GCSAML: variants seen among roughly 807,000 people sequenced by gnomAD.
The protein encoded by GCSAML is germinal center associated signaling and motility like.
In GCSAML, 9 loss-of-function variants were observed where a neutral mutation model predicts 13.0. That is an observed-to-expected ratio of 0.69 (90% CI 0.42 to 1.21). GCSAML has a LOEUF of 1.21. GCSAML is among the 50% of genes most tolerant of loss of function. The pLI is 0.00. For synonymous variants in GCSAML, 37 were observed against 52.9 expected, an observed-to-expected ratio of 0.70 and a Z score of 1.31; for missense variants, 143 against 153.4, an observed-to-expected ratio of 0.93 and a Z score of 0.36.
chr1:247,525,855 C>G (rs1030849334), intron 1 of GCSAML: 3 of 152,354 alleles, frequency 2.0e-5, no homozygotes, highest in South Asian at 4.1e-4. Flanking sequence ...GTAGGGACTA[C>G]TAGCCATTTG....
At chr1:247,514,766 A>G (rs1039440972) in intron 1 of GCSAML, among the ~76,000 whole-genome samples, 1 of 152,158 alleles carries the variant, frequency 6.6e-6, no homozygotes, top group African/African-American at 2.4e-5. Flanking sequence ...TCGAAGATCA[A>G]TTGACTGTAT....
At chr1:247,554,274 A>G (rs1250634677) in intron 1 of GCSAML, among the ~76,000 whole-genome samples, 1 of 152,110 alleles carries the variant, frequency 6.6e-6, no homozygotes, top group Non-Finnish European at 1.5e-5. Context: ...TTTAAGCCAT[A>G]ATGTTTATTA....
Position 247,574,638 on chromosome 1 carries a change from T to A in GCSAML, c.*256T>A. The A allele has an allele frequency of 4.7e-6, 2 of 429,164 alleles. No individual in the cohort carries two copies. The highest frequency in any genetic ancestry group is 8.2e-6 in the Non-Finnish European group (2 of 244,188). The allele number at this position is 429,164 out of a possible 1,614,324, so 26.6% of individuals were successfully genotyped here. ...GTAAAGTTTGAGGACATGGAGGTGA[T>A]AAAAAAAACTTTCTTAGGACAATAA... On this transcript the variant is annotated 3_prime_UTR_variant, in exon 5 of 5. Transcript: ENST00000366488.
intron 2 of GCSAML, among the ~76,000 whole-genome samples, chr1:247,557,069 T>A (rs940127073): frequency 1.3e-5 from 2 of 152,178 alleles, no homozygotes; most frequent in Non-Finnish European, 2.9e-5. Flanking sequence ...TAAAAAAAAA[T>A]TCCATATTTG....
Position 247,551,526 on chromosome 1 carries a change from C to T in GCSAML, c.29+2306C>T, listed in dbSNP as rs147966733. Among the ~76,000 whole-genome samples the T allele has an allele frequency of 8.8e-4, 134 of 152,238 alleles. 1 individual carries two copies. Among genetic ancestry groups the T allele is most frequent in the African/African-American group, 3.2e-3 (131 of 41,536 alleles). Reference sequence around the variant, plus strand: ...TGTATTTTAGGAAGAAATGTCTATGCTCAGTGAGTATGGAGGAATGACACA... The same window carrying T: ...TGTATTTTAGGAAGAAATGTCTATGTTCAGTGAGTATGGAGGAATGACACA... On this transcript the variant is annotated intron_variant, in intron 1 of 4. Coordinates refer to ENST00000366488, the MANE Select transcript of GCSAML (RefSeq NM_145278.5).
intron 1 of GCSAML, among the ~76,000 whole-genome samples, chr1:247,524,460 G>C (rs944286511): frequency 6.6e-6 from 1 of 152,200 alleles, no homozygotes; most frequent in African/African-American, 2.4e-5. Context: ...GGCTCACCCT[G>C]CATGGCAGTT....
rs754740400 is a variant in GCSAML at position 247,531,719 on chromosome 1, T to G, written c.-148+4665T>G. 1.1e-5 allele frequency: 18 copies of G among 1,614,062 alleles called. 1 individual carries two copies. The highest frequency in any genetic ancestry group is 1.7e-5 in the Admixed American group (1 of 60,006). ...TTGCCCTGCTCATGGGAGGTGCTCTTGGCTGGCTGGAGATACATGAAGATG... is the reference window on the plus strand; with the variant it reads ...TTGCCCTGCTCATGGGAGGTGCTCTGGGCTGGCTGGAGATACATGAAGATG... On this transcript the variant is annotated intron_variant, in intron 2 of 5. Coordinates refer to the GCSAML transcript ENST00000366489.
upstream of GCSAML, among the ~76,000 whole-genome samples, chr1:247,546,431 T>A (rs1322752286): frequency 2.6e-5 from 4 of 152,236 alleles, no homozygotes; most frequent in African/African-American, 7.2e-5. Flanking sequence ...CGATCTCGGC[T>A]CACTGCAAAC....
intron 4 of GCSAML, 119 bp downstream of exon 4, chr1:247,566,078 A>G (rs1035663899): frequency 1.6e-6 from 1 of 625,530 alleles, no homozygotes; most frequent in Non-Finnish European, 2.6e-6. Flanking sequence ...CTTTATTTGT[A>G]ATTTCTAAAT....
chr1:247,534,103 C>T (rs1413490686), intron 2 of GCSAML, among the ~76,000 whole-genome samples: 1 of 152,176 alleles, frequency 6.6e-6, no homozygotes, highest in Non-Finnish European at 1.5e-5. Context: ...ATATTGAAAA[C>T]CCTCACAACT....
At chr1:247,568,884 T>C (rs1668488518) in intron 4 of GCSAML, among the ~76,000 whole-genome samples, 1 of 152,084 alleles carries the variant, frequency 6.6e-6, no homozygotes, top group Admixed American at 6.6e-5. Flanking sequence ...CTTGAAGAGG[T>C]GCTTTACGTC....
At chr1:247,566,224 C>T (rs888200881) in intron 4 of GCSAML, among the ~76,000 whole-genome samples, 1 of 151,992 alleles carries the variant, frequency 6.6e-6, no homozygotes, top group Non-Finnish European at 1.5e-5. Context: ...GGCCTCAATT[C>T]TGCTGAAGTC....
intron 1 of GCSAML, among the ~76,000 whole-genome samples, chr1:247,515,648 G>C (rs1333728943): frequency 6.6e-6 from 1 of 152,210 alleles, no homozygotes; most frequent in Non-Finnish European, 1.5e-5. Context: ...AATCATGGCA[G>C]ATGGCGAAGG....
chr1:247,565,984 C>G (rs1359362320), intron 4 of GCSAML, 25 bp downstream of exon 4: 1 of 1,504,814 alleles, frequency 6.6e-7, no homozygotes, highest in Non-Finnish European at 8.9e-7. Flanking sequence ...AAAAGCAAGA[C>G]AAAAGAAAAA....
intron 1 of GCSAML, among the ~76,000 whole-genome samples, chr1:247,522,600 T>C (rs1478871926): frequency 1.3e-5 from 2 of 152,326 alleles, no homozygotes; most frequent in Admixed American, 6.5e-5. Flanking sequence ...GATGCTGTTA[T>C]CTATGACCTT....
At chr1:247,550,043 G>A (rs1351141010) in intron 1 of GCSAML, among the ~76,000 whole-genome samples, 2 of 152,174 alleles carry the variant, frequency 1.3e-5, no homozygotes, top group Non-Finnish European at 2.9e-5. Context: ...GACAAAAAGG[G>A]TATGACCTAA....
At chr1:247,512,457 C>T (rs146045145) in intron 1 of GCSAML, among the ~76,000 whole-genome samples, 3,693 of 152,058 alleles carry the variant, frequency 0.024, 151 homozygotes, top group African/African-American at 0.084. Context: ...TTAGAACATG[C>T]TCCTTTAGCT....
intron 1 of GCSAML, among the ~76,000 whole-genome samples, chr1:247,510,490 G>A (rs865783424): frequency 2.6e-5 from 4 of 151,818 alleles, no homozygotes; most frequent in South Asian, 2.1e-4. Flanking sequence ...AGGATTTTTC[G>A]TGTCTCTATC....
intron 2 of GCSAML, among the ~76,000 whole-genome samples, chr1:247,562,459 C>T (rs372962668): frequency 9.9e-5 from 15 of 152,152 alleles, no homozygotes; most frequent in African/African-American, 2.9e-4. Context: ...AAGAAACTCA[C>T]GACTTTCCTT....
Sources: gnomAD v4.1 joint callset for allele counts (sites outside exome capture counted in the v4.1 genomes callset) on GRCh38, gnomAD v4.1.1 for gene constraint, MANE v1.5 for transcripts, NCBI Gene and HGNC (gene_info 2026-07-23, HGNC 2026-07-21) for gene names.